The following MTUS1 variants were observed in gnomAD, a reference collection of about 807,000 sequenced individuals.
MTUS1 encodes microtubule-associated tumor suppressor 1.
MTUS1 carries 109 observed loss-of-function variants against 120.8 expected under a neutral mutation model. The observed-to-expected ratio is 0.90, with a 90% CI of 0.77 to 1.06. The LOEUF is 1.06. Ranked by LOEUF, MTUS1 falls within the 50% of genes least tolerant of loss-of-function variation. The pLI is 0.00. For synonymous variants in MTUS1, 737 were observed against 550.5 expected, an observed-to-expected ratio of 1.34 and a Z score of -4.74; for missense variants, 2,210 against 1,486.3, an observed-to-expected ratio of 1.49 and a Z score of -8.01.
At chr8:17,653,682 G>A (rs1807555789) in intron 10 of MTUS1, 184 bp from the exon 11 acceptor site, 2 of 528,810 alleles carry the variant, frequency 3.8e-6, no homozygotes, top group South Asian at 5.2e-5. Context: ...GGTGGTTAGG[G>A]TAGACATTCC....
chr8:17,723,029 G>A (rs958085489), intron 4 of MTUS1, among the ~76,000 whole-genome samples: 1 of 152,082 alleles, frequency 6.6e-6, no homozygotes, highest in Non-Finnish European at 1.5e-5. Flanking sequence ...TATATCCTGT[G>A]CTCCTCACTG....
chr8:17,759,946 T>C (rs116180957), intron 1 of MTUS1, among the ~76,000 whole-genome samples: 6,244 of 151,956 alleles, frequency 0.041, 179 homozygotes, highest in African/African-American at 0.082. Context: ...TGGTCGCTCA[T>C]GCCTGTAATC....
intron 3 of MTUS1, among the ~76,000 whole-genome samples, chr8:17,741,338 T>G (rs74350588): frequency 6.6e-6 from 1 of 152,308 alleles, no homozygotes; most frequent in East Asian, 1.9e-4. Context: ...GACCCAAGTA[T>G]TCAGACCATA....
chr8:17,702,694 A>G (rs939447059), intron 6 of MTUS1, among the ~76,000 whole-genome samples: 1 of 152,220 alleles, frequency 6.6e-6, no homozygotes, highest in Non-Finnish European at 1.5e-5. Flanking sequence ...ATCACAGCAT[A>G]TGGCAGGACT....
At chr8:17,742,254 C>G (rs1437079061) in intron 3 of MTUS1, among the ~76,000 whole-genome samples, 1 of 146,412 alleles carries the variant, frequency 6.8e-6, no homozygotes, top group African/African-American at 2.5e-5. Flanking sequence ...CACCATCATG[C>G]TCTCATGCCC....
chr8:17,644,851 G>A lies in MTUS1; in HGVS notation c.*1075C>T, dbSNP rs1189900271. ...GAAGATGAGCTGGCTCTGGGGCTCT[G>A]GAAAATCATATTCCTTTATCCTTGT... On this transcript the variant is annotated 3_prime_UTR_variant, in exon 15 of 15. Coordinates refer to ENST00000693296, the MANE Select transcript of MTUS1 (RefSeq NM_001363059.2). 1 of 152,202 alleles carries A rather than the reference G, an allele frequency of 6.6e-6. No homozygotes were observed. The highest frequency in any genetic ancestry group is 1.5e-5 in the Non-Finnish European group (1 of 68,056). 9.4% of individuals were successfully genotyped at this position (152,202 alleles called of 1,614,324 possible).
intron 1 of MTUS1, among the ~76,000 whole-genome samples, chr8:17,779,748 C>CT (rs1586362169): frequency 1.3e-5 from 2 of 152,204 alleles, no homozygotes; most frequent in East Asian, 3.8e-4. Flanking sequence ...GCAAATGCCT[C>CT]TAAGAGATTC....
chr8:17,720,985 T>A (rs2045795673), intron 4 of MTUS1, among the ~76,000 whole-genome samples: 1 of 152,160 alleles, frequency 6.6e-6, no homozygotes, highest in Non-Finnish European at 1.5e-5. Context: ...TTTGGTCATT[T>A]AAAAAATTTA....
At chr8:17,659,897 A>C (rs758899507) in intron 8 of MTUS1, among the ~76,000 whole-genome samples, 9 of 152,024 alleles carry the variant, frequency 5.9e-5, no homozygotes, top group Non-Finnish European at 1.2e-4. Context: ...CCCTTCCCCA[A>C]GGCCCTGGCA....
intron 6 of MTUS1, among the ~76,000 whole-genome samples, chr8:17,690,929 T>C (rs1353667492): frequency 1.3e-5 from 2 of 152,168 alleles, no homozygotes; most frequent in African/African-American, 4.8e-5. Context: ...GAAAATAATA[T>C]GCATATACTA....
Position 17,777,477 on chromosome 8 carries a change from C to T in MTUS1, c.-154-21516G>A, listed in dbSNP as rs560518666. Among the ~76,000 whole-genome samples the T allele has an allele frequency of 2.0e-5, 3 of 151,416 alleles. No individual in the cohort carries two copies. In the South Asian group the frequency reaches 6.3e-4, roughly 32 times the overall value. ...GAAAAAAAAAAAAAAAGATGTCAGG[C>T]ACAGTGTGTCCCTGGAACTAAATAA... On this transcript the variant is annotated intron_variant, in intron 1 of 14. Transcript: ENST00000693296.
chr8:17,678,913 G>A (rs113517772), intron 7 of MTUS1, among the ~76,000 whole-genome samples: 2 of 152,074 alleles, frequency 1.3e-5, no homozygotes, highest in Non-Finnish European at 2.9e-5. Flanking sequence ...TGTCTGTGCA[G>A]AATACCGTCT....
At chr8:17,717,400 A>G (rs926118436) in intron 4 of MTUS1, among the ~76,000 whole-genome samples, 3 of 152,246 alleles carry the variant, frequency 2.0e-5, no homozygotes, top group Non-Finnish European at 4.4e-5. Context: ...GAAAATGGAT[A>G]TTGGGTTTCA....
chr8:17,690,399 G>C (rs1816717075), intron 6 of MTUS1, among the ~76,000 whole-genome samples: 1 of 152,206 alleles, frequency 6.6e-6, no homozygotes, highest in Non-Finnish European at 1.5e-5. Context: ...TGTTGGCAAA[G>C]ATGTGGAGAG....
chr8:17,664,978 C>T (rs1043436059), intron 8 of MTUS1, among the ~76,000 whole-genome samples: 10 of 152,150 alleles, frequency 6.6e-5, no homozygotes, highest in Non-Finnish European at 8.8e-5. Context: ...CCTGGGCCTC[C>T]GTGTCCTGAT....
intron 1 of MTUS1, among the ~76,000 whole-genome samples, chr8:17,777,517 C>G (rs1276503894): frequency 2.6e-5 from 4 of 151,872 alleles, no homozygotes; most frequent in African/African-American, 9.7e-5. Context: ...AATCCAGGCG[C>G]TGTGCATCAG....
At position 17,713,257 on chromosome 8, in the gene MTUS1, G is replaced by A; in HGVS notation, c.2585-5C>T. 1 of 1,530,748 alleles carries A rather than the reference G, an allele frequency of 6.5e-7. No homozygotes were observed. The highest frequency in any genetic ancestry group is 9.0e-7 in the Non-Finnish European group (1 of 1,107,506). The allele number at this position is 1,530,748 out of a possible 1,614,324, so 94.8% of individuals were successfully genotyped here. On this transcript the variant is annotated splice_region_variant and splice_polypyrimidine_tract_variant and intron_variant, in intron 5 of 14. Coordinates refer to ENST00000693296, the MANE Select transcript of MTUS1 (RefSeq NM_001363059.2). The stretch of plus-strand genomic sequence containing the variant: ...ATAAATTTTTTCTCGAAGGACCTAA[G>A]ATATAAAAGAAACATGTAAAATACA...
In MTUS1 at chr8:17,769,937, TG is replaced by T. The variant is rs200771715; in HGVS notation, c.-154-13977del. ...ACACACACACACACACGGGGGGGGT[TG>T]GGGGGGAAGCACTACAGTCAGAATC... On this transcript the variant is annotated intron_variant, in intron 1 of 14. Transcript: ENST00000693296. Among the ~76,000 whole-genome samples the T allele has an allele frequency of 9.0e-3, 924 of 102,442 alleles. 9 individuals carry two copies. The highest frequency in any genetic ancestry group is 0.024 in the African/African-American group (659 of 27,600). 67.2% of individuals were successfully genotyped at this position (102,442 alleles called of 152,430 possible). A position where few individuals can be genotyped will look rare whatever the true frequency, so the allele number is the denominator to read the frequency against.
At chr8:17,653,711 C>T in intron 10 of MTUS1, 1 of 474,800 alleles carries the variant, frequency 2.1e-6, no homozygotes, top group Middle Eastern at 5.6e-4. Flanking sequence ...GACTGAGAGC[C>T]CTGAGGCCCA....
Sources: gnomAD v4.1 joint callset for allele counts (sites outside exome capture counted in the v4.1 genomes callset) on GRCh38, gnomAD v4.1.1 for gene constraint, MANE v1.5 for transcripts, NCBI Gene and HGNC (gene_info 2026-07-23, HGNC 2026-07-21) for gene names.